The following DTNB variants were observed in gnomAD, a reference collection of about 807,000 sequenced individuals.
DTNB encodes dystrobrevin beta.
A neutral mutation model predicts 90.7 loss-of-function variants in DTNB; 63 were observed. That is an observed-to-expected ratio of 0.69 (90% CI 0.57 to 0.86). The LOEUF is 0.86. Ranked by LOEUF, DTNB falls within the 40% of genes least tolerant of loss-of-function variation. The pLI is 0.00. For synonymous variants in DTNB, 277 were observed against 286.7 expected (o/e 0.97, Z 0.34); for missense variants, 744 against 807.1 (o/e 0.92, Z 0.95).
rs1051795935 is a variant in DTNB at position 25,531,525 on chromosome 2, G to A, written c.949C>T (p.His317Tyr). 1.9e-6 allele frequency: 3 copies of A among 1,613,846 alleles called. No individual in the cohort carries two copies. The highest frequency in any genetic ancestry group is 2.7e-5 in the African/African-American group (2 of 74,904). Residue 317 changes from histidine (H) to tyrosine (Y), a missense_variant, in exon 9 of 21, where the codon CAT (histidine) becomes TAT (tyrosine). By Grantham distance (83) the His-to-Tyr change is moderately conservative. Transcript: ENST00000406818. Reference protein sequence around the residue: ...LGCVPTREPPHPVFPEQPEKP... With the variant: ...LGCVPTREPPYPVFPEQPEKP... ...TCTGGTTGCTCAGGAAAAACAGGAT[G>A]CGGGGGTTCTCTCGTGGGTACACAC... is the stretch of plus-strand genomic sequence containing the variant.
chr2:25,455,209 C>T lies in DTNB; in HGVS notation c.1169+196G>A, dbSNP rs548504640. On this transcript the variant is annotated intron_variant, in intron 11 of 20. Transcript: ENST00000406818. ...ATGTCTGACTCCATGTTTAGGTCAG[C>T]GCCCAGGCTTGGCAAGCCTCCCTCT... is the stretch of plus-strand genomic sequence containing the variant. Among the ~76,000 whole-genome samples the T allele has an allele frequency of 6.6e-5, 10 of 152,322 alleles. No individual in the cohort carries two copies. In the South Asian group the frequency reaches 1.0e-3, roughly 16 times the overall value.
At chr2:25,454,596 G>A (rs371913958) in intron 11 of DTNB, among the ~76,000 whole-genome samples, 76 of 152,296 alleles carry the variant, frequency 5.0e-4, no homozygotes, top group African/African-American at 1.6e-3. Context: ...ATGGTGGTGG[G>A]TGTGGGCATG....
intron 16 of DTNB, 95 bp downstream of exon 16, chr2:25,419,417 AGAT>A (rs1483843427): frequency 1.3e-6 from 2 of 1,530,598 alleles, no homozygotes; most frequent in Admixed American, 2.0e-5. Context: ...CCCTCTTCAG[AGAT>A]GATGTGCGGG....
At chr2:25,599,757 T>C (rs1035336363) in intron 5 of DTNB, among the ~76,000 whole-genome samples, 3 of 152,168 alleles carry the variant, frequency 2.0e-5, no homozygotes, top group Non-Finnish European at 4.4e-5. Context: ...GAATAAATGA[T>C]GCTCTTCAAA....
chr2:25,564,924 A>G lies in DTNB; in HGVS notation c.876+11914T>C, dbSNP rs1265560618. On this transcript the variant is annotated intron_variant, in intron 8 of 20. Coordinates refer to ENST00000406818, the MANE Select transcript of DTNB (RefSeq NM_021907.5). ...CATTAAAAGTAACGGGGAAACCACA[A>G]TTACTTTTGCACCAATCTAATATTT... 2.0e-5 allele frequency among the ~76,000 whole-genome samples: 3 copies of G among 152,210 alleles called. No homozygotes were observed. In the East Asian group the frequency reaches 5.8e-4, roughly 29 times the overall value.
At chr2:25,394,994 A>G (rs2042030169) in intron 16 of DTNB, among the ~76,000 whole-genome samples, 2 of 152,256 alleles carry the variant, frequency 1.3e-5, no homozygotes, top group South Asian at 4.1e-4. Context: ...ATGCCCATCA[A>G]TCAATGAGTG....
chr2:25,648,334 A>T (rs932852527), intron 2 of DTNB, among the ~76,000 whole-genome samples: 3 of 152,244 alleles, frequency 2.0e-5, no homozygotes, highest in Non-Finnish European at 4.4e-5. Flanking sequence ...AGAGTCTACA[A>T]GATAAAATAT....
intron 16 of DTNB, among the ~76,000 whole-genome samples, chr2:25,400,024 G>A (rs2043331292): frequency 6.6e-6 from 1 of 152,148 alleles, no homozygotes; most frequent in Non-Finnish European, 1.5e-5. Flanking sequence ...CTCACAAGTG[G>A]AGTCCGTACC....
intron 5 of DTNB, among the ~76,000 whole-genome samples, chr2:25,599,542 C>T (rs1358877074): frequency 1.3e-5 from 2 of 151,728 alleles, no homozygotes; most frequent in African/African-American, 4.8e-5. Flanking sequence ...GGGGTTTCAC[C>T]GTGTTAGCCA....
intron 16 of DTNB, among the ~76,000 whole-genome samples, chr2:25,395,499 T>C (rs1013068200): frequency 1.0e-4 from 15 of 150,402 alleles, no homozygotes; most frequent in African/African-American, 2.9e-4. Context: ...TTACATAATA[T>C]ACATGTATAT....
intron 8 of DTNB, among the ~76,000 whole-genome samples, chr2:25,573,016 C>T (rs150185049): frequency 0.021 from 3,193 of 152,048 alleles, 108 homozygotes; most frequent in African/African-American, 0.072. Flanking sequence ...TCTCGGCTCA[C>T]TGCAACCTCA....
intron 6 of DTNB, among the ~76,000 whole-genome samples, chr2:25,589,367 C>CTTTTTTTTTTTTTTTTTTTTTT (rs1169808182): frequency 3.5e-5 from 2 of 57,554 alleles, no homozygotes; most frequent in Non-Finnish European, 6.0e-5. Flanking sequence ...TTTTTCTTTT[C>CTTTTTTTTTTTTTTTTTTTTTT]TTTTTTTTTT....
At chr2:25,385,780 C>T (rs2039307111) in intron 18 of DTNB, among the ~76,000 whole-genome samples, 1 of 152,170 alleles carries the variant, frequency 6.6e-6, no homozygotes, top group African/African-American at 2.4e-5. Context: ...CTGAGGATTC[C>T]TATAAGCTTT....
At chr2:25,573,010 G>C (rs1438858639) in intron 8 of DTNB, among the ~76,000 whole-genome samples, 1 of 151,706 alleles carries the variant, frequency 6.6e-6, no homozygotes, top group Non-Finnish European at 1.5e-5. Flanking sequence ...GCACGATCTC[G>C]GCTCACTGCA....
chr2:25,508,423 G>A (rs1289051964), intron 9 of DTNB, among the ~76,000 whole-genome samples: 1 of 151,620 alleles, frequency 6.6e-6, no homozygotes, highest in Non-Finnish European at 1.5e-5. Context: ...AAATATGCTA[G>A]GTATACCACT....
chr2:25,494,754 A>G (rs994931645), intron 9 of DTNB, among the ~76,000 whole-genome samples: 1 of 152,112 alleles, frequency 6.6e-6, no homozygotes, highest in Non-Finnish European at 1.5e-5. Context: ...CTTTATCCCA[A>G]TTTGAAAATC....
At chr2:25,566,777 C>A (rs2059107617) in intron 8 of DTNB, among the ~76,000 whole-genome samples, 1 of 152,144 alleles carries the variant, frequency 6.6e-6, no homozygotes, top group Non-Finnish European at 1.5e-5. Context: ...CCAGGACAGC[C>A]AAATTTCAAT....
intron 15 of DTNB, chr2:25,421,361 T>G (rs1345604256): frequency 6.6e-6 from 1 of 151,624 alleles, no homozygotes; most frequent in African/African-American, 2.4e-5. Context: ...CAAAGCCAGA[T>G]GCTGGATGCC....
chr2:25,550,803 C>T (rs1323463277), intron 8 of DTNB, among the ~76,000 whole-genome samples: 1 of 152,190 alleles, frequency 6.6e-6, no homozygotes, highest in Non-Finnish European at 1.5e-5. Flanking sequence ...GCACGTGCCA[C>T]CACACCCGGC....
Sources: gnomAD v4.1 joint callset for allele counts (sites outside exome capture counted in the v4.1 genomes callset) on GRCh38, gnomAD v4.1.1 for gene constraint, MANE v1.5 for transcripts, NCBI Gene and HGNC (gene_info 2026-07-23, HGNC 2026-07-21) for gene names.